AP1G1: variants seen among roughly 807,000 people sequenced by gnomAD.
AP1G1 encodes adaptor related protein complex 1 subunit gamma 1.
A neutral mutation model predicts 108.3 loss-of-function variants in AP1G1; 7 were observed. The observed-to-expected ratio is 0.06, with a 90% CI of 0.04 to 0.12. The LOEUF is 0.12. AP1G1 is among the 10% of genes least tolerant of loss of function. The probability of loss-of-function intolerance (pLI) is 1.00; values close to 1 mark genes in which losing one functional copy is unlikely to be tolerated. For missense variants in AP1G1, 756 were observed against 1,010.7 expected, an observed-to-expected ratio of 0.75 and a Z score of 3.42; for synonymous variants, 379 against 353.5, an observed-to-expected ratio of 1.07 and a Z score of -0.81.
At position 71,739,363 on chromosome 16, in the gene AP1G1, A is replaced by G. The variant is rs114855107; in HGVS notation, c.2000-22T>C. ...GCACCTAAAGGAAATATTTTAATGG[A>G]AAGTTAACCTTAGGCAGCATGACAA... is the stretch of plus-strand genomic sequence containing the variant. On this transcript the variant is annotated intron_variant, in intron 19 of 22. Coordinates refer to ENST00000299980, the MANE Select transcript of AP1G1 (RefSeq NM_001128.6). The G allele has an allele frequency of 1.9e-6, 3 of 1,547,596 alleles. No homozygotes were observed. The African/African-American group carries it at 4.3e-5, about 22-fold the overall frequency.
intron 7 of AP1G1, 41 bp from the exon 8 acceptor site, chr16:71,764,767 C>T: frequency 7.8e-7 from 1 of 1,289,496 alleles, no homozygotes; most frequent in Non-Finnish European, 1.1e-6. Flanking sequence ...AATTATGTCT[C>T]ACACAAAGAA....
chr16:71,762,764 A>G (rs1473704623), intron 9 of AP1G1, among the ~76,000 whole-genome samples: 8 of 152,208 alleles, frequency 5.3e-5, no homozygotes, highest in Admixed American at 3.3e-4. Context: ...ACCAGCAAGC[A>G]TAAGTAAAGT....
chr16:71,804,165 G>C (rs1277448793), intron 1 of AP1G1, among the ~76,000 whole-genome samples: 3 of 147,664 alleles, frequency 2.0e-5, no homozygotes, highest in Non-Finnish European at 4.5e-5. Flanking sequence ...TCCTGCCTCA[G>C]TCTCCCGAGT....
At chr16:71,761,723 A>C (rs1179749519) in intron 9 of AP1G1, among the ~76,000 whole-genome samples, 156 bp from the exon 10 acceptor site, 1 of 150,614 alleles carries the variant, frequency 6.6e-6, no homozygotes, top group Non-Finnish European at 1.5e-5. Flanking sequence ...TAATCCCAGA[A>C]CTTTGGGAGG....
intron 13 of AP1G1, 162 bp downstream of exon 13, chr16:71,753,671 C>T (rs1367084995): frequency 2.9e-6 from 2 of 692,230 alleles, no homozygotes; most frequent in Non-Finnish European, 2.6e-6. Context: ...TTATATTCCT[C>T]CATGCTGCTT....
intron 2 of AP1G1, among the ~76,000 whole-genome samples, chr16:71,784,864 C>T (rs969034281): frequency 3.3e-5 from 5 of 150,778 alleles, no homozygotes. Context: ...CATCCTACCC[C>T]TTAAGTTTTA....
intron 6 of AP1G1, chr16:71,769,398 CAAT>C (rs964130911): frequency 1.6e-5 from 8 of 488,746 alleles, no homozygotes; most frequent in African/African-American, 9.9e-5. Context: ...TGTCTGCCAA[CAAT>C]GAGAGAAGAC....
At chr16:71,748,046 TGA>T (rs756961722) in intron 16 of AP1G1, among the ~76,000 whole-genome samples, 11 of 152,158 alleles carry the variant, frequency 7.2e-5, no homozygotes, top group Admixed American at 1.3e-4. Context: ...AGTAAAAGAA[TGA>T]GAGGGAACAA....
rs753962662 is a variant in AP1G1, at chr16:71,745,205, T to C, written c.1938A>G (p.Thr646=). The part of the protein sequence containing the change: ...DITPVIPTAP[T]SKPSSAGGEL... ...CTCCACCAGCAGAAGATGGTTTGCT[T>C]GTAGGCGCAGTTGGAATAACAGGTG... Residue 646 remains threonine (T), a synonymous_variant, in exon 19 of 23, where the codon ACA becomes ACG. Transcript: ENST00000299980. 20 of 1,614,082 alleles carry C rather than the reference T, an allele frequency of 1.2e-5. No homozygotes were observed. The highest frequency in any genetic ancestry group is 2.7e-5 in the African/African-American group (2 of 74,944).
At chr16:71,790,316 G>A (rs896933354) in intron 1 of AP1G1, among the ~76,000 whole-genome samples, 1 of 151,818 alleles carries the variant, frequency 6.6e-6, no homozygotes, top group Non-Finnish European at 1.5e-5. Flanking sequence ...CAAGGTGGGC[G>A]GATCACCTGA....
chr16:71,753,858 T>A lies in AP1G1; in HGVS notation c.1259A>T (p.Asp420Val), dbSNP rs543661921. 1 of 1,614,058 alleles carries A rather than the reference T, an allele frequency of 6.2e-7. No homozygotes were observed. Among genetic ancestry groups the A allele is most frequent in the South Asian group, 1.1e-5 (1 of 91,066 alleles). Residue 420 changes from aspartate (D) to valine (V), a missense_variant, in exon 13 of 23, where the codon GAC (aspartate) becomes GTC (valine). Physicochemically the swap from Asp to Val is radical, Grantham distance 152. Transcript: ENST00000299980. ...KYAPSKRWHI[D>V]TIMRVLTTAG... ...CGTTGTCAAAACACGCATAATTGTG[T>A]CTATATGCCATCGTTTGGAAGGTGC...
At position 71,771,244 on chromosome 16, in the gene AP1G1, C is replaced by T. The variant is rs747611381; in HGVS notation, c.477G>A (p.Leu159=). ...CTTTCCTGATGACATGAACAGCACA[C>T]AGTGCTGCCTATGAAAAAAAAAATA... The part of the protein sequence containing the change: ...SNSYLRKKAA[L]CAVHVIRKVP... The change falls in exon 5 of 23, where the codon CTG becomes CTA. Residue 159 remains leucine (L), a synonymous_variant. Coordinates refer to ENST00000299980, the MANE Select transcript of AP1G1 (RefSeq NM_001128.6). 2 of 1,578,486 alleles carry T rather than the reference C, an allele frequency of 1.3e-6. No homozygotes were observed. The highest frequency in any genetic ancestry group is 1.8e-5 in the Admixed American group (1 of 57,094).
At chr16:71,790,918 A>G (rs1264037117) in intron 1 of AP1G1, among the ~76,000 whole-genome samples, 1 of 152,168 alleles carries the variant, frequency 6.6e-6, no homozygotes, top group East Asian at 1.9e-4. Context: ...AAAGGACATC[A>G]TTATGAAAAT....
chr16:71,792,809 G>A (rs974754508), intron 1 of AP1G1, among the ~76,000 whole-genome samples: 3 of 151,614 alleles, frequency 2.0e-5, no homozygotes, highest in Non-Finnish European at 2.9e-5. Context: ...AGTCAAGATC[G>A]CACCACTGCA....
rs780283137 is a variant in AP1G1 at position 71,773,374 on chromosome 16, A to G, written c.327-12T>C. 3.2e-5 allele frequency: 47 copies of G among 1,488,632 alleles called. No individual in the cohort carries two copies. Among genetic ancestry groups the G allele is most frequent in the Middle Eastern group, 1.8e-4 (1 of 5,552 alleles). The allele number at this position is 1,488,632 out of a possible 1,614,324, so 92.2% of individuals were successfully genotyped here. On this transcript the variant is annotated splice_polypyrimidine_tract_variant and intron_variant, in intron 3 of 22. Coordinates refer to ENST00000299980, the MANE Select transcript of AP1G1 (RefSeq NM_001128.6). ...TATGATTAAGATCACTGCAAAAGAA[A>G]AGAGGAAGGTAGGAACAAGCCTGGT...
Position 71,739,062 on chromosome 16 carries a change from C to T in AP1G1, c.2148G>A (p.Lys716=), listed in dbSNP as rs770215420. The T allele has an allele frequency of 6.2e-7, 1 of 1,614,188 alleles. No individual in the cohort carries two copies. Reference sequence around the variant, plus strand: ...TTGACCGTTCAAAGGTGAATTCTATCTTCAAGCCATTCTTACTGTATGCTG... The same window carrying T: ...TTGACCGTTCAAAGGTGAATTCTATTTTCAAGCCATTCTTACTGTATGCTG... ...SITAYSKNGL[K]IEFTFERSNT... is the part of the protein sequence containing the mutation. The change falls in exon 21 of 23, where the codon AAG becomes AAA. Residue 716 remains lysine (K), a synonymous_variant. Coordinates refer to ENST00000299980, the MANE Select transcript of AP1G1 (RefSeq NM_001128.6).
intron 12 of AP1G1, among the ~76,000 whole-genome samples, chr16:71,755,463 G>C (rs1396096418): frequency 3.3e-5 from 5 of 151,954 alleles, no homozygotes; most frequent in Non-Finnish European, 5.9e-5. Context: ...AAAAAAACCA[G>C]CATCATAGAT....
intron 13 of AP1G1, 156 bp from the exon 14 acceptor site, chr16:71,750,488 C>T: frequency 1.3e-6 from 1 of 758,114 alleles, no homozygotes; most frequent in Non-Finnish European, 2.0e-6. Context: ...GATCTTGGCT[C>T]ACTGCAACCT....
At chr16:71,808,564 C>T (rs1300357986) in intron 1 of AP1G1, 199 bp downstream of exon 1, 8 of 1,288,766 alleles carry the variant, frequency 6.2e-6, no homozygotes, top group Non-Finnish European at 7.1e-6. Flanking sequence ...GGTCCGAGGC[C>T]TCGGGGTCGG....
Sources: gnomAD v4.1 joint callset for allele counts (sites outside exome capture counted in the v4.1 genomes callset) on GRCh38, gnomAD v4.1.1 for gene constraint, MANE v1.5 for transcripts, NCBI Gene and HGNC (gene_info 2026-07-23, HGNC 2026-07-21) for gene names.